USP4: variants seen among roughly 807,000 people sequenced by gnomAD.
The protein encoded by USP4 is ubiquitin specific peptidase 4.
In USP4, 72 loss-of-function variants were observed where a neutral mutation model predicts 118.2. The ratio of observed to expected loss-of-function variants is 0.61; its 90% CI spans 0.50 to 0.74. USP4 has a LOEUF of 0.74. Among genes scored for constraint, USP4 ranks in the 30% least tolerant of loss-of-function variants. The pLI is 0.00. For missense variants in USP4, 1,037 were observed against 1,185.7 expected (o/e 0.87, Z 1.84); for synonymous variants, 415 against 440.4 (o/e 0.94, Z 0.72).
chr3:49,285,219 C>A (rs1388792405), intron 16 of USP4, among the ~76,000 whole-genome samples: 1 of 151,842 alleles, frequency 6.6e-6, no homozygotes, highest in East Asian at 1.9e-4. Context: ...ATCATCCTAC[C>A]ATAAACCACA....
intron 6 of USP4, among the ~76,000 whole-genome samples, chr3:49,323,134 A>C (rs2047519253): frequency 6.6e-6 from 1 of 151,472 alleles, no homozygotes; most frequent in Admixed American, 6.6e-5. Flanking sequence ...CGCCTGGCTA[A>C]TTTTGCATTT....
chr3:49,326,724 A>G (rs2047559512), intron 3 of USP4, among the ~76,000 whole-genome samples: 1 of 143,688 alleles, frequency 7.0e-6, no homozygotes, highest in African/African-American at 2.6e-5. Context: ...TTTTTTTGCA[A>G]CCGAGTCTCA....
Position 49,338,662 on chromosome 3 carries a change from CAA to C in USP4, c.101+1260_101+1261del, listed in dbSNP as rs1184984948. Among the ~76,000 whole-genome samples, 20 of 52,878 alleles carry C rather than the reference CAA, an allele frequency of 3.8e-4. No homozygotes were observed. The East Asian group carries it at 6.4e-3, about 17-fold the overall frequency. The allele number at this position is 52,878 out of a possible 152,430, so 34.7% of individuals were successfully genotyped here. On this transcript the variant is annotated intron_variant, in intron 1 of 21. Coordinates refer to ENST00000265560, the MANE Select transcript of USP4 (RefSeq NM_003363.4). Reference sequence around the variant, plus strand: ...GGGCAACAAGAGCGAAATTCCTTCTCAAAAAAAAAAAAAAAAAGAAAAGAAAA... The same window carrying C: ...GGGCAACAAGAGCGAAATTCCTTCTCAAAAAAAAAAAAAAAGAAAAGAAAA...
chr3:49,314,090 C>T (rs956308223), intron 6 of USP4: 10 of 152,120 alleles, frequency 6.6e-5, no homozygotes, highest in Non-Finnish European at 1.3e-4. Context: ...TTTTAGAATA[C>T]AGAAAATGAC....
chr3:49,324,898 C>T lies in USP4; in HGVS notation c.629G>A (p.Gly210Asp), dbSNP rs762575158. Reference sequence around the variant, plus strand: ...GAATGGCCAGGGCCCTCCTACCTGACCCTGGTATAGCCCAGCATCCTGGAC... The same window carrying T: ...GAATGGCCAGGGCCCTCCTACCTGATCCTGGTATAGCCCAGCATCCTGGAC... Reference protein sequence around the residue: ...NTVQDAGLYQGQVLVIEPQNE... With the variant: ...NTVQDAGLYQDQVLVIEPQNE... The change falls in exon 5 of 22, where the codon GGT becomes GAT. Residue 210 changes from glycine to aspartate, a missense_variant. Around this residue, in one of 3 missense-constraint regions of USP4, gnomAD observed 487 missense variants for 534.1 expected, o/e 0.91. Coordinates refer to ENST00000265560, the MANE Select transcript of USP4 (RefSeq NM_003363.4). 1.2e-5 allele frequency: 19 copies of T among 1,614,156 alleles called. No individual in the cohort carries two copies. The highest frequency in any genetic ancestry group is 1.6e-5 in the Non-Finnish European group (19 of 1,180,000).
chr3:49,305,646 C>T (rs769946196), intron 9 of USP4, 69 bp downstream of exon 9: 72 of 1,396,044 alleles, frequency 5.2e-5, no homozygotes, highest in Non-Finnish European at 6.3e-5. Context: ...CCTGAAGTCC[C>T]GAAACATTTC....
chr3:49,339,697 C>T (rs987931779), intron 1 of USP4, among the ~76,000 whole-genome samples: 1 of 152,160 alleles, frequency 6.6e-6, no homozygotes, highest in Non-Finnish European at 1.5e-5. Context: ...TGGCCCCCGC[C>T]GGGCCCGCCC....
chr3:49,318,262 G>A (rs922799361), intron 6 of USP4: 3 of 939,896 alleles, frequency 3.2e-6, no homozygotes, highest in Non-Finnish European at 3.8e-6. Flanking sequence ...AGCCACCAGT[G>A]CCCAGCTACA....
In USP4 at chr3:49,277,266, G is replaced by A. The variant is rs561335341; in HGVS notation, c.*1027C>T. The stretch of plus-strand genomic sequence containing the variant: ...CAGGCCCCAAACCCCCACGGATTAG[G>A]TTGAAGGTCAGACAAAAAATCCCGG... On this transcript the variant is annotated 3_prime_UTR_variant, in exon 22 of 22. Transcript: ENST00000265560. 15 of 1,285,522 alleles carry A rather than the reference G, an allele frequency of 1.2e-5. No homozygotes were observed. In the East Asian group the frequency reaches 5.0e-4, roughly 42 times the overall value. 79.6% of individuals were successfully genotyped at this position (1,285,522 alleles called of 1,614,324 possible). A position where few individuals can be genotyped will look rare whatever the true frequency, so the allele number is the denominator to read the frequency against.
chr3:49,278,423 T>C lies in USP4; in HGVS notation c.2762A>G (p.Gln921Arg). 6.2e-7 allele frequency: 1 copy of C among 1,614,098 alleles called. No homozygotes were observed. The highest frequency in any genetic ancestry group is 8.5e-7 in the Non-Finnish European group (1 of 1,179,998). Residue 921 changes from glutamine to arginine, a missense_variant, in exon 22 of 22, where the codon CAA becomes CGA. Transcript: ENST00000265560. The stretch of plus-strand genomic sequence containing the variant: ...CTTATAAAATTCATCATCTCGACGT[T>C]GGTAAAATAGCACATAAGCTGCTTT... Reference protein sequence around the residue: ...VTKAAYVLFYQRRDDEFYKTP... With the variant: ...VTKAAYVLFYRRRDDEFYKTP...
intron 8 of USP4, among the ~76,000 whole-genome samples, chr3:49,307,554 C>T (rs1448196032): frequency 6.6e-6 from 1 of 152,012 alleles, no homozygotes; most frequent in African/African-American, 2.4e-5. Flanking sequence ...CCTCCCAAAT[C>T]ACTGGGAAAC....
intron 6 of USP4, among the ~76,000 whole-genome samples, chr3:49,319,272 G>A (rs1252527319): frequency 1.3e-5 from 2 of 151,994 alleles, no homozygotes; most frequent in South Asian, 2.1e-4. Context: ...TTTTTGAGAC[G>A]GAGTCTTGCT....
At chr3:49,282,172 TAC>T (rs374080667) in intron 19 of USP4, among the ~76,000 whole-genome samples, 54 of 152,272 alleles carry the variant, frequency 3.5e-4, no homozygotes, top group African/African-American at 1.3e-3. Flanking sequence ...TTAACAGAAT[TAC>T]AGTTGGTGCC....
Position 49,327,687 on chromosome 3 carries a change from T to C in USP4, c.359A>G (p.Lys120Arg). Reference protein sequence around the residue: ...CVEGQQPIVRKVVEHGLFVKH... With the variant: ...CVEGQQPIVRRVVEHGLFVKH... Reference sequence around the variant, plus strand: ...GGTGGGACAATTCACATAACTCACTTTTCTGACGATGGGTTGCTGGCCTTC... The same window carrying C: ...GGTGGGACAATTCACATAACTCACTCTTCTGACGATGGGTTGCTGGCCTTC... Residue 120 changes from lysine (K) to arginine (R), a missense_variant and splice_region_variant, in exon 3 of 22, where the codon AAA becomes AGA. Transcript: ENST00000265560. 1.9e-6 allele frequency: 3 copies of C among 1,614,060 alleles called. No individual in the cohort carries two copies. The highest frequency in any genetic ancestry group is 2.5e-6 in the Non-Finnish European group (3 of 1,179,956).
chr3:49,291,717 AC>A (rs2047153286), intron 15 of USP4, among the ~76,000 whole-genome samples: 2 of 152,024 alleles, frequency 1.3e-5, no homozygotes, highest in Admixed American at 1.3e-4. Flanking sequence ...GGTGGCTCAC[AC>A]CTGTAATCCT....
chr3:49,309,506 C>A (rs1459661948), intron 8 of USP4, among the ~76,000 whole-genome samples: 3 of 152,104 alleles, frequency 2.0e-5, no homozygotes, highest in African/African-American at 7.2e-5. Flanking sequence ...AATACTACCC[C>A]CTCAGCCTCC....
At chr3:49,279,084 T>C in intron 20 of USP4, 182 bp from the exon 21 acceptor site, 1 of 382,552 alleles carries the variant, frequency 2.6e-6, no homozygotes, top group Non-Finnish European at 4.7e-6. Context: ...CTGTTCCTTC[T>C]CAAAAAGGAT....
intron 2 of USP4, among the ~76,000 whole-genome samples, chr3:49,330,609 G>A (rs1409209570): frequency 2.0e-5 from 3 of 151,974 alleles, no homozygotes; most frequent in Non-Finnish European, 2.9e-5. Flanking sequence ...GGGATAACAG[G>A]CGTAAGCCAC....
chr3:49,306,755 T>C (rs1226721017), intron 8 of USP4, among the ~76,000 whole-genome samples: 1 of 152,062 alleles, frequency 6.6e-6, no homozygotes, highest in Non-Finnish European at 1.5e-5. Flanking sequence ...CTAGGCTACT[T>C]CCACCTCACC....
Sources: gnomAD v4.1 joint callset for allele counts (sites outside exome capture counted in the v4.1 genomes callset) on GRCh38, gnomAD v4.1.1 for gene constraint, gnomAD v4.1.1 regional missense constraint, MANE v1.5 for transcripts, NCBI Gene and HGNC (gene_info 2026-07-23, HGNC 2026-07-21) for gene names.